Variants in CPT1A observed in about 807,000 individuals in gnomAD.
The protein encoded by CPT1A is carnitine O-palmitoyltransferase 1, liver isoform.
Under a neutral mutation model 100.8 loss-of-function variants are expected in CPT1A, and 64 were observed. The ratio of observed to expected loss-of-function variants is 0.63; its 90% confidence interval spans 0.52 to 0.78. The LOEUF is 0.78. Among genes scored for constraint, CPT1A ranks in the 30% least tolerant of loss-of-function variants. CPT1A has a pLI of 0.00. For synonymous variants in CPT1A, 363 were observed against 396.0 expected, an observed-to-expected ratio of 0.92 and a Z score of 0.99; for missense variants, 802 against 1,034.1, an observed-to-expected ratio of 0.78 and a Z score of 3.08.
intron 1 of CPT1A, among the ~76,000 whole-genome samples, chr11:68,822,114 A>G (rs1856600535): frequency 6.6e-6 from 1 of 152,144 alleles, no homozygotes. Context: ...ACCGTGGCTC[A>G]CACCTGCAAT....
At chr11:68,830,093 GT>G (rs1566389063) in intron 1 of CPT1A, among the ~76,000 whole-genome samples, 2 of 152,066 alleles carry the variant, frequency 1.3e-5, no homozygotes, top group Non-Finnish European at 2.9e-5. Flanking sequence ...CCTGGCCAAC[GT>G]GGCAAAACTC....
intron 9 of CPT1A, among the ~76,000 whole-genome samples, chr11:68,791,562 G>A (rs1406348422): frequency 6.6e-6 from 1 of 151,962 alleles, no homozygotes; most frequent in Non-Finnish European, 1.5e-5. Flanking sequence ...TTGAGATGAA[G>A]TTTCACTCTT....
intron 12 of CPT1A, among the ~76,000 whole-genome samples, chr11:68,779,569 G>T (rs1855242073): frequency 6.6e-6 from 1 of 150,412 alleles, no homozygotes; most frequent in Non-Finnish European, 1.5e-5. Context: ...GCCCAGGCAG[G>T]CAGATCCCCT....
rs138011017 is a variant in CPT1A, at chr11:68,812,571, G to A, written c.147C>T (p.Gly49=). 1.2e-6 allele frequency: 2 copies of A among 1,614,174 alleles called. No homozygotes were observed. The highest frequency in any genetic ancestry group is 1.1e-5 in the South Asian group (1 of 91,084). ...TTGCCGGGTACACGCCAGTGATGAT[G>A]CCGTTCTAAAGACAGACACCCGGGC... The part of the protein sequence containing the change: ...WKKKFIRFKN[G]IITGVYPASP... The change falls in exon 3 of 19, where the codon GGC becomes GGT. Residue 49 remains glycine, a synonymous_variant. Coordinates refer to ENST00000265641, the MANE Select transcript of CPT1A (RefSeq NM_001876.4).
intron 1 of CPT1A, among the ~76,000 whole-genome samples, chr11:68,824,248 CA>C (rs34276531): frequency 0.072 from 4,964 of 69,046 alleles, 223 homozygotes; most frequent in African/African-American, 0.19. Context: ...AGCTCCATCT[CA>C]AAAAAAAAAA....
chr11:68,787,047 G>A (rs1855483271), intron 9 of CPT1A, among the ~76,000 whole-genome samples: 1 of 152,122 alleles, frequency 6.6e-6, no homozygotes, highest in Admixed American at 6.6e-5. Flanking sequence ...AAAAGATAAA[G>A]GATTGAAAGG....
intron 6 of CPT1A, among the ~76,000 whole-genome samples, chr11:68,798,093 C>T (rs1377998809): frequency 6.6e-6 from 1 of 152,246 alleles, no homozygotes; most frequent in Non-Finnish European, 1.5e-5. Flanking sequence ...TGGCACTAAC[C>T]TGGTGTTCCG....
At chr11:68,761,115 C>T (rs902243380) in intron 16 of CPT1A, among the ~76,000 whole-genome samples, 4 of 148,164 alleles carry the variant, frequency 2.7e-5, no homozygotes, top group Admixed American at 6.8e-5. Flanking sequence ...AGGCTAAGGA[C>T]GAAGAATTGC....
chr11:68,824,217 C>A, intron 1 of CPT1A, among the ~76,000 whole-genome samples: 1 of 143,506 alleles, frequency 7.0e-6, no homozygotes, highest in East Asian at 2.0e-4. Context: ...CACTGCACTC[C>A]AGCCTGGGGG....
At chr11:68,796,438 C>A (rs565783347) in intron 7 of CPT1A, among the ~76,000 whole-genome samples, 1 of 152,282 alleles carries the variant, frequency 6.6e-6, no homozygotes, top group South Asian at 2.1e-4. Context: ...CACCTGTAAT[C>A]CCAGCTACTT....
At chr11:68,797,124 G>C (rs1199259127) in intron 6 of CPT1A, among the ~76,000 whole-genome samples, 191 bp from the exon 7 acceptor site, 1 of 152,156 alleles carries the variant, frequency 6.6e-6, no homozygotes, top group Non-Finnish European at 1.5e-5. Context: ...GAAATGAAAA[G>C]TGTTCTTTTT....
intron 15 of CPT1A, 60 bp downstream of exon 15, chr11:68,762,567 C>A: frequency 6.2e-7 from 1 of 1,604,406 alleles, no homozygotes; most frequent in South Asian, 1.1e-5. Context: ...TGATGGCCTC[C>A]AGAAGCCTTT....
intron 14 of CPT1A, among the ~76,000 whole-genome samples, chr11:68,766,000 T>A (rs1048265885): frequency 4.6e-5 from 7 of 151,686 alleles, no homozygotes; most frequent in African/African-American, 1.7e-4. Flanking sequence ...GCCTCCTGAG[T>A]AGCTGGGATT....
chr11:68,786,553 G>T (rs1365223296), intron 9 of CPT1A, among the ~76,000 whole-genome samples: 1 of 152,062 alleles, frequency 6.6e-6, no homozygotes, highest in East Asian at 1.9e-4. Flanking sequence ...TTTTTGAGAC[G>T]GAGTCTCGCT....
At position 68,826,730 on chromosome 11, in the gene CPT1A, T is replaced by A. The variant is rs544116438; in HGVS notation, c.-13-11243A>T. 8.5e-4 allele frequency among the ~76,000 whole-genome samples: 66 copies of A among 77,340 alleles called. 1 individual carries two copies. In the South Asian group the frequency reaches 0.038, roughly 45 times the overall value. 50.7% of individuals were successfully genotyped at this position (77,340 alleles called of 152,430 possible). On this transcript the variant is annotated intron_variant, in intron 1 of 18. Transcript: ENST00000265641. ...TACTGGGTGAGAGAGTGAGACTCCC[T>A]GTCAAAAAAAAAAAAAGAAAACCAA...
intron 1 of CPT1A, among the ~76,000 whole-genome samples, chr11:68,820,881 C>T (rs1856565065): frequency 1.3e-5 from 2 of 152,118 alleles, no homozygotes; most frequent in Admixed American, 1.3e-4. Flanking sequence ...CACATCTGTC[C>T]CCCGGAATCT....
Position 68,781,858 on chromosome 11 carries a change from T to G in CPT1A, c.1265A>C (p.Glu422Ala). The change falls in exon 11 of 19, where the codon GAA (glutamate) becomes GCA (alanine). Residue 422 changes from glutamate (E) to alanine (A), a missense_variant. Transcript: ENST00000265641. ...EKAAFFVTLD[E>A]TEEGYRSEDP... ...TTCACTTCTGTATCCTTCTTCAGTT[T>G]CATCTAACGTCACAAAGAACGCTGC... 6.2e-7 allele frequency: 1 copy of G among 1,614,118 alleles called. No individual in the cohort carries two copies.
chr11:68,798,149 A>G (rs561565944), intron 6 of CPT1A, among the ~76,000 whole-genome samples: 1 of 152,302 alleles, frequency 6.6e-6, no homozygotes, highest in Admixed American at 6.5e-5. Context: ...GAGGCCACCC[A>G]GAGGCAGTGC....
At chr11:68,771,954 G>A (rs1208544719) in intron 14 of CPT1A, among the ~76,000 whole-genome samples, 1 of 152,184 alleles carries the variant, frequency 6.6e-6, no homozygotes, top group Non-Finnish European at 1.5e-5. Flanking sequence ...CAGAGACAGT[G>A]AAGCATGAGG....
Sources: allele counts gnomAD v4.1 joint callset (sites outside exome capture counted in the v4.1 genomes callset), GRCh38; gene constraint gnomAD v4.1.1; transcripts MANE v1.5; gene names NCBI Gene and HGNC (gene_info 2026-07-23, HGNC 2026-07-21).